SMOC2: variants seen among roughly 807,000 people sequenced by gnomAD.
SMOC2 encodes SPARC-related modular calcium-binding protein 2.
SMOC2 carries 39 observed loss-of-function variants against 61.4 expected under a neutral mutation model. The observed-to-expected ratio is 0.64, with a 90% CI of 0.49 to 0.83. The LOEUF is 0.83. Ranked by LOEUF, SMOC2 falls within the 40% of genes least tolerant of loss-of-function variation. SMOC2 has a pLI of 0.00. For missense variants in SMOC2, 556 were observed against 592.9 expected (o/e 0.94, Z 0.65); for synonymous variants, 247 against 239.9 (o/e 1.03, Z -0.27).
At chr6:168,587,460 A>G (rs1289224064) in intron 7 of SMOC2, among the ~76,000 whole-genome samples, 1 of 152,220 alleles carries the variant, frequency 6.6e-6, no homozygotes, top group Non-Finnish European at 1.5e-5. Context: ...CAGTATGTGT[A>G]AGAAGTACAT....
At chr6:168,566,113 TA>T (rs1212109979) in intron 7 of SMOC2, among the ~76,000 whole-genome samples, 1 of 152,230 alleles carries the variant, frequency 6.6e-6, no homozygotes, top group Non-Finnish European at 1.5e-5. Context: ...CCACGTCTTT[TA>T]CGAAGCTATG....
At chr6:168,543,556 A>T in intron 4 of SMOC2, 69 bp from the exon 5 acceptor site, 1 of 1,375,388 alleles carries the variant, frequency 7.3e-7, no homozygotes, top group Non-Finnish European at 1.0e-6. Context: ...ATATGTGCAT[A>T]ACTTAATTTG....
At chr6:168,570,257 A>G (rs562049545) in intron 7 of SMOC2, among the ~76,000 whole-genome samples, 2 of 152,280 alleles carry the variant, frequency 1.3e-5, no homozygotes, top group Admixed American at 1.3e-4. Context: ...AAAACGTCAA[A>G]GAAGTCAGGA....
At chr6:168,456,713 G>A (rs1017732428) in intron 1 of SMOC2, among the ~76,000 whole-genome samples, 4 of 152,200 alleles carry the variant, frequency 2.6e-5, no homozygotes, top group African/African-American at 9.7e-5. Context: ...TTAGGAGGGT[G>A]CTTCCAGATT....
rs1562348469 is a variant in SMOC2, at chr6:168,560,588, TCATTTTCCTGCCCTGAGACAC to T, written c.637+11386_637+11406del. On this transcript the variant is annotated intron_variant, in intron 7 of 12. Transcript: ENST00000356284. ...TCTCACTGCATTCTTGGAGGAGGTG[TCATTTTCCTGCCCTGAGACAC>T]GAGGCTCTCACTGCATTCTTGGAGG... Among the ~76,000 whole-genome samples, 30 of 85,150 alleles carry T rather than the reference TCATTTTCCTGCCCTGAGACAC, an allele frequency of 3.5e-4. 1 individual carries two copies. Among genetic ancestry groups the T allele is most frequent in the Middle Eastern group, 4.6e-3 (1 of 216 alleles). The allele number at this position is 85,150 out of a possible 152,430, so 55.9% of individuals were successfully genotyped here.
At chr6:168,564,140 A>G (rs570166126) in intron 7 of SMOC2, among the ~76,000 whole-genome samples, 1 of 152,358 alleles carries the variant, frequency 6.6e-6, no homozygotes, top group East Asian at 1.9e-4. Context: ...GTATGTGTAT[A>G]AGACAAAACA....
chr6:168,462,888 C>T (rs1272926172), intron 1 of SMOC2, among the ~76,000 whole-genome samples: 1 of 152,074 alleles, frequency 6.6e-6, no homozygotes, highest in Non-Finnish European at 1.5e-5. Context: ...GGGAAGGGTG[C>T]TAAGTGGATG....
chr6:168,632,607 A>G (rs997816092), intron 9 of SMOC2, among the ~76,000 whole-genome samples: 10 of 152,322 alleles, frequency 6.6e-5, no homozygotes, highest in Admixed American at 3.3e-4. Flanking sequence ...TGTTGGCTCA[A>G]TGTTGCAGCC....
At chr6:168,528,358 G>A (rs1446595423) in intron 4 of SMOC2, among the ~76,000 whole-genome samples, 3 of 150,926 alleles carry the variant, frequency 2.0e-5, no homozygotes, top group African/African-American at 7.3e-5. Context: ...AATTTGTGGG[G>A]GAGACTTATC....
At position 168,599,025 on chromosome 6, in the gene SMOC2, C is replaced by T; in HGVS notation, c.824+21C>T. ...ACAAGGTAAATAGGGTGCACCCACCCCCCCCGGGACCATGGGAGGCTTTGG... is the reference window on the plus strand; with the variant it reads ...ACAAGGTAAATAGGGTGCACCCACCTCCCCCGGGACCATGGGAGGCTTTGG... On this transcript the variant is annotated intron_variant, in intron 8 of 12. Transcript: ENST00000356284. 1.9e-6 allele frequency: 3 copies of T among 1,552,226 alleles called. No homozygotes were observed. The South Asian group carries it at 3.5e-5, about 18-fold the overall frequency.
Position 168,544,836 on chromosome 6 carries a change from A to G in SMOC2, c.511+1164A>G, listed in dbSNP as rs1434744935. Among the ~76,000 whole-genome samples the G allele has an allele frequency of 1.3e-5, 2 of 152,232 alleles. No homozygotes were observed. The highest frequency in any genetic ancestry group is 2.4e-5 in the African/African-American group (1 of 41,454). ...TGACATTTTGGAGGGACAAGCTGGC[A>G]TGAAAGTAAATGTCAGGCTTTCTGT... On this transcript the variant is annotated intron_variant, in intron 5 of 12. Coordinates refer to ENST00000356284, the MANE Select transcript of SMOC2 (RefSeq NM_001166412.2). The surrounding 1 kb of genome is among the most constrained non-coding windows in gnomAD (Gnocchi z 4.1).
At chr6:168,659,522 T>C (rs12202412) in intron 11 of SMOC2, among the ~76,000 whole-genome samples, 10 of 83,688 alleles carry the variant, frequency 1.2e-4, no homozygotes, top group East Asian at 3.7e-4. Context: ...AGGTTGTAGG[T>C]TGGGTGAGGA....
chr6:168,622,496 G>C (rs1436662642), intron 9 of SMOC2, among the ~76,000 whole-genome samples: 2 of 151,776 alleles, frequency 1.3e-5, no homozygotes, highest in Non-Finnish European at 2.9e-5. Context: ...GGCATGTTGT[G>C]TGTTGACATT....
chr6:168,571,626 A>G (rs1316992238), intron 7 of SMOC2, among the ~76,000 whole-genome samples: 1 of 152,126 alleles, frequency 6.6e-6, no homozygotes, highest in Non-Finnish European at 1.5e-5. Context: ...TGTGTGTAGT[A>G]TTTTGGTAGG....
chr6:168,520,175 A>C (rs1783296051), intron 2 of SMOC2, among the ~76,000 whole-genome samples: 1 of 152,154 alleles, frequency 6.6e-6, no homozygotes, highest in South Asian at 2.1e-4. Context: ...CATCTATATT[A>C]GGATATTAGG....
Position 168,608,141 on chromosome 6 carries a change from T to G in SMOC2, c.825-16T>G, listed in dbSNP as rs2115203451. On this transcript the variant is annotated splice_polypyrimidine_tract_variant and intron_variant, in intron 8 of 12. Coordinates refer to ENST00000356284, the MANE Select transcript of SMOC2 (RefSeq NM_001166412.2). ...TTGTTTTCTCTCTCCTTCCCCCGCCTTCCCCCCGCCCATAGGTACGAGCAG... is the reference window on the plus strand; with the variant it reads ...TTGTTTTCTCTCTCCTTCCCCCGCCGTCCCCCCGCCCATAGGTACGAGCAG... 1 of 1,597,530 alleles carries G rather than the reference T, an allele frequency of 6.3e-7. No homozygotes were observed. The highest frequency in any genetic ancestry group is 8.5e-7 in the Non-Finnish European group (1 of 1,170,470).
intron 1 of SMOC2, among the ~76,000 whole-genome samples, chr6:168,462,730 A>G (rs1486543959): frequency 1.3e-5 from 2 of 152,160 alleles, no homozygotes; most frequent in East Asian, 3.9e-4. Context: ...ACTCAGGGAG[A>G]AAAAGGGTTT....
At chr6:168,441,677 C>T (rs955604144) in intron 1 of SMOC2, among the ~76,000 whole-genome samples, 2 of 152,182 alleles carry the variant, frequency 1.3e-5, no homozygotes, top group Non-Finnish European at 2.9e-5. Flanking sequence ...CCCTGCCCGC[C>T]GGGGTCCTGC....
intron 1 of SMOC2, among the ~76,000 whole-genome samples, chr6:168,507,446 A>G (rs942355899): frequency 2.0e-5 from 3 of 152,208 alleles, no homozygotes; most frequent in African/African-American, 7.2e-5. Context: ...GTGCTGCGAG[A>G]ACGAGGCTGC....
Sources: gnomAD v4.1 joint callset for allele counts (sites outside exome capture counted in the v4.1 genomes callset) on GRCh38, gnomAD v4.1.1 for gene constraint, Gnocchi (gnomAD v3.1) non-coding constraint, MANE v1.5 for transcripts, NCBI Gene and HGNC (gene_info 2026-07-23, HGNC 2026-07-21) for gene names.